Variants in GNG2 observed in about 807,000 individuals in gnomAD.
GNG2 encodes G protein subunit gamma 2, also known as guanine nucleotide-binding protein G(I)/G(S)/G(O) subunit gamma-2.
In GNG2, 5 loss-of-function variants were observed where a neutral mutation model predicts 5.5. That is an observed-to-expected ratio of 0.91 (90% CI 0.48 to 1.92). GNG2 has a LOEUF of 1.92. Among genes scored for constraint, GNG2 ranks in the 30% most tolerant of loss-of-function variants. GNG2 has a pLI of 0.01. For synonymous variants in GNG2, 28 were observed against 32.0 expected, an observed-to-expected ratio of 0.88 and a Z score of 0.42; for missense variants, 55 against 88.4, an observed-to-expected ratio of 0.62 and a Z score of 1.52.
At chr14:51,843,851 C>A (rs1479600354) in intron 2 of GNG2, among the ~76,000 whole-genome samples, 1 of 152,212 alleles carries the variant, frequency 6.6e-6, no homozygotes, top group Non-Finnish European at 1.5e-5. Flanking sequence ...CTATGCCAAG[C>A]TATTCATGGC....
At chr14:51,942,590 T>TTTCTTTCTTTTTCTTTCTTTCTTTC (rs1555356835) in intron 2 of GNG2, among the ~76,000 whole-genome samples, 1 of 36,552 alleles carries the variant, frequency 2.7e-5, no homozygotes, top group African/African-American at 1.3e-4. Flanking sequence ...TCTTTCTTTC[T>TTTCTTTCTTTTTCTTTCTTTCTTTC]TTTTTTTTTT....
chr14:51,906,270 A>T (rs939533891), intron 2 of GNG2, among the ~76,000 whole-genome samples: 18 of 152,194 alleles, frequency 1.2e-4, no homozygotes, highest in African/African-American at 4.3e-4. Flanking sequence ...TTGTTTTTTT[A>T]AAAAACCTAC....
intron 2 of GNG2, among the ~76,000 whole-genome samples, chr14:51,842,882 C>T (rs1239952036): frequency 1.3e-5 from 2 of 152,076 alleles, no homozygotes; most frequent in African/African-American, 4.8e-5. Context: ...CTAGGCTGGT[C>T]CCGAACTCCT....
chr14:51,839,471 A>G (rs1190834396), intron 2 of GNG2, among the ~76,000 whole-genome samples: 2 of 152,154 alleles, frequency 1.3e-5, no homozygotes, highest in African/African-American at 2.4e-5. Context: ...CTTAGTAGCT[A>G]TCTTTTTTGG....
chr14:51,948,634 C>T (rs1888780873), intron 2 of GNG2, among the ~76,000 whole-genome samples: 1 of 152,174 alleles, frequency 6.6e-6, no homozygotes, highest in Non-Finnish European at 1.5e-5. Context: ...CCCTGTGAGG[C>T]TGCGATGATT....
chr14:51,877,833 T>C (rs548547172), intron 2 of GNG2, 176 bp downstream of exon 2: 2 of 248,702 alleles, frequency 8.0e-6, no homozygotes, highest in Admixed American at 5.0e-5. Flanking sequence ...AATGGCTGTC[T>C]TTAATGATAG....
chr14:51,952,396 C>T (rs561509492), intron 3 of GNG2, among the ~76,000 whole-genome samples: 50 of 152,314 alleles, frequency 3.3e-4, no homozygotes, highest in Non-Finnish European at 8.8e-5. Flanking sequence ...CTTTTTCACT[C>T]TCTTGCTGAA....
intron 3 of GNG2, among the ~76,000 whole-genome samples, chr14:51,964,263 G>A (rs967224978): frequency 6.6e-6 from 1 of 152,222 alleles, no homozygotes; most frequent in Non-Finnish European, 1.5e-5. Flanking sequence ...AGACCCTCCA[G>A]AAGGGACCAA....
At chr14:51,914,120 A>G (rs1384484004) in intron 2 of GNG2, 2 of 655,906 alleles carry the variant, frequency 3.0e-6, no homozygotes, top group Non-Finnish European at 5.5e-6. Flanking sequence ...AAGATATTGA[A>G]ATTGCAATCA....
intron 2 of GNG2, chr14:51,913,049 G>A (rs368026693): frequency 6.6e-6 from 1 of 152,242 alleles, no homozygotes; most frequent in African/African-American, 2.4e-5. Flanking sequence ...GTCTCGTGAT[G>A]TCTGCTACCT....
intron 2 of GNG2, among the ~76,000 whole-genome samples, chr14:51,844,464 G>A (rs765141555): frequency 2.0e-5 from 3 of 152,100 alleles, no homozygotes; most frequent in Non-Finnish European, 2.9e-5. Flanking sequence ...TTTCTTCATT[G>A]GCTTCAGTGG....
intron 2 of GNG2, among the ~76,000 whole-genome samples, chr14:51,848,756 G>T (rs745785242): frequency 5.7e-4 from 87 of 152,322 alleles, no homozygotes; most frequent in Non-Finnish European, 1.1e-3. Flanking sequence ...GAATGGGCTA[G>T]TGTTGGAGGA....
chr14:51,832,480 C>A (rs1285657430), intron 2 of GNG2, among the ~76,000 whole-genome samples: 1 of 152,162 alleles, frequency 6.6e-6, no homozygotes, highest in Non-Finnish European at 1.5e-5. Context: ...TAATTTGCAT[C>A]ACTATAGAGC....
intron 2 of GNG2, among the ~76,000 whole-genome samples, chr14:51,932,272 A>AAAGG: frequency 1.5e-5 from 1 of 65,094 alleles, no homozygotes; most frequent in South Asian, 4.5e-4. Context: ...AAAAAAAAAA[A>AAAGG]GAAAAGAAAA....
At chr14:51,947,953 T>G (rs1452978894) in intron 2 of GNG2, among the ~76,000 whole-genome samples, 1 of 152,214 alleles carries the variant, frequency 6.6e-6, no homozygotes, top group Non-Finnish European at 1.5e-5. Context: ...CATCTCACAG[T>G]TGGCATGGTG....
chr14:51,948,990 G>A (rs1416696363), intron 2 of GNG2, among the ~76,000 whole-genome samples: 4 of 151,950 alleles, frequency 2.6e-5, no homozygotes, highest in South Asian at 4.2e-4. Context: ...GTGTGGTGGC[G>A]GGCACCTGTA....
chr14:51,869,815 G>T (rs897716637), intron 1 of GNG2, among the ~76,000 whole-genome samples: 1 of 152,056 alleles, frequency 6.6e-6, no homozygotes, highest in African/African-American at 2.4e-5. Flanking sequence ...GCCCTGCCGC[G>T]GCTCTTTTTA....
intron 2 of GNG2, among the ~76,000 whole-genome samples, chr14:51,936,724 T>C (rs1471938082): frequency 6.6e-6 from 1 of 151,982 alleles, no homozygotes. Context: ...CTAATTTTTT[T>C]TGTAGAGACA....
intron 2 of GNG2, among the ~76,000 whole-genome samples, chr14:51,925,306 T>A (rs1209992302): frequency 6.6e-6 from 1 of 152,210 alleles, no homozygotes; most frequent in Non-Finnish European, 1.5e-5. Context: ...ATAACATATA[T>A]GTCAGTTAAA....
Sources: gnomAD v4.1 joint callset for allele counts (sites outside exome capture counted in the v4.1 genomes callset) on GRCh38, gnomAD v4.1.1 for gene constraint, MANE v1.5 for transcripts, NCBI Gene and HGNC (gene_info 2026-07-23, HGNC 2026-07-21) for gene names.